The following ATP11B variants were observed in gnomAD, a reference collection of about 807,000 sequenced individuals.
The protein encoded by ATP11B is ATPase phospholipid transporting 11B (putative), also known as phospholipid-transporting ATPase IF.
Under a neutral mutation model 157.8 loss-of-function variants are expected in ATP11B, and 81 were observed. That is an observed-to-expected ratio of 0.51 (90% CI 0.43 to 0.62). The LOEUF (loss-of-function observed/expected upper bound fraction) is 0.62, where lower values mean the gene tolerates loss of function less well. ATP11B is among the 20% of genes least tolerant of loss of function. The pLI, the probability that ATP11B is intolerant of heterozygous loss-of-function variation, is 0.00. For synonymous variants in ATP11B, 451 were observed against 469.4 expected, an observed-to-expected ratio of 0.96 and a Z score of 0.51; for missense variants, 1,165 against 1,402.2, an observed-to-expected ratio of 0.83 and a Z score of 2.70.
chr3:182,845,090 C>T (rs561078520), intron 8 of ATP11B, among the ~76,000 whole-genome samples: 3 of 151,294 alleles, frequency 2.0e-5, no homozygotes, highest in East Asian at 3.9e-4. Flanking sequence ...CTGCAACCTC[C>T]GCCTCCACGG....
intron 7 of ATP11B, among the ~76,000 whole-genome samples, chr3:182,837,406 CCTT>C (rs1482860267): frequency 6.6e-6 from 1 of 151,958 alleles, no homozygotes; most frequent in Non-Finnish European, 1.5e-5. Context: ...CTTCACATTA[CCTT>C]CTATTTTGCT....
chr3:182,824,339 T>C (rs563708992), intron 2 of ATP11B, among the ~76,000 whole-genome samples: 1 of 152,346 alleles, frequency 6.6e-6, no homozygotes, highest in East Asian at 1.9e-4. Flanking sequence ...TTGATGAGGC[T>C]GTAGTTTTCC....
At chr3:182,860,255 A>G (rs186345987) in intron 12 of ATP11B, among the ~76,000 whole-genome samples, 12 of 152,268 alleles carry the variant, frequency 7.9e-5, no homozygotes, top group Non-Finnish European at 1.2e-4. Context: ...CTCTTTTCAC[A>G]CTTGATTAAT....
intron 19 of ATP11B, among the ~76,000 whole-genome samples, chr3:182,875,420 G>T (rs1264617073): frequency 2.1e-5 from 3 of 141,294 alleles, no homozygotes; most frequent in South Asian, 2.1e-4. Context: ...GGGATTTTTT[G>T]TTGTTGTTGT....
At chr3:182,824,324 T>A (rs1018895571) in intron 2 of ATP11B, among the ~76,000 whole-genome samples, 8 of 152,210 alleles carry the variant, frequency 5.3e-5, no homozygotes, top group African/African-American at 1.9e-4. Flanking sequence ...CTTGGTTACA[T>A]GTTGTTGATG....
chr3:182,863,082 A>T (rs1033001467), intron 12 of ATP11B, among the ~76,000 whole-genome samples: 5 of 151,630 alleles, frequency 3.3e-5, no homozygotes, highest in Non-Finnish European at 7.4e-5. Context: ...ACACCTGGCT[A>T]ATTTTTTGTA....
chr3:182,819,755 A>G (rs573372633), intron 1 of ATP11B, among the ~76,000 whole-genome samples: 27 of 152,216 alleles, frequency 1.8e-4, no homozygotes, highest in Non-Finnish European at 3.8e-4. Flanking sequence ...TGGAAAAAGT[A>G]AAATAAATAT....
intron 11 of ATP11B, 126 bp from the exon 12 acceptor site, chr3:182,859,036 C>A: frequency 1.8e-6 from 1 of 559,176 alleles, no homozygotes; most frequent in South Asian, 3.1e-5. Flanking sequence ...ATTCATGAGA[C>A]TATTCTACCT....
At chr3:182,845,195 C>T (rs1206616812) in intron 8 of ATP11B, among the ~76,000 whole-genome samples, 3 of 151,814 alleles carry the variant, frequency 2.0e-5, no homozygotes, top group Non-Finnish European at 4.4e-5. Context: ...TTAGCAGAGA[C>T]GGGGTTTCAC....
intron 4 of ATP11B, among the ~76,000 whole-genome samples, chr3:182,835,647 A>G (rs1429140801): frequency 6.6e-6 from 1 of 152,192 alleles, no homozygotes; most frequent in Non-Finnish European, 1.5e-5. Flanking sequence ...TTGGAGTTCA[A>G]AAGAGATATA....
At chr3:182,846,770 G>A (rs1487703680) in intron 9 of ATP11B, among the ~76,000 whole-genome samples, 1 of 152,150 alleles carries the variant, frequency 6.6e-6, no homozygotes, top group Non-Finnish European at 1.5e-5. Flanking sequence ...ACCCAGAATA[G>A]GCAAATTCAT....
intron 12 of ATP11B, among the ~76,000 whole-genome samples, chr3:182,861,885 A>G (rs565553775): frequency 6.6e-6 from 1 of 151,424 alleles, no homozygotes; most frequent in Admixed American, 6.6e-5. Flanking sequence ...TCGAGGCTGC[A>G]GTGAACCCTG....
In ATP11B at chr3:182,842,044, A is replaced by G. The variant is rs368854963; in HGVS notation, c.657-31A>G. ...AGCCATTGATGTCATAAGTGATATTATATGTTTTTGTAATGTGAATTTTTT... is the reference window on the plus strand; with the variant it reads ...AGCCATTGATGTCATAAGTGATATTGTATGTTTTTGTAATGTGAATTTTTT... On this transcript the variant is annotated intron_variant, in intron 7 of 29. Coordinates refer to ENST00000323116, the MANE Select transcript of ATP11B (RefSeq NM_014616.3). The G allele has an allele frequency of 1.3e-5, 18 of 1,421,552 alleles. No individual in the cohort carries two copies. The African/African-American group carries it at 2.1e-4, about 17-fold the overall frequency. 88.1% of individuals were successfully genotyped at this position (1,421,552 alleles called of 1,614,324 possible).
intron 7 of ATP11B, among the ~76,000 whole-genome samples, chr3:182,838,871 G>A (rs980975132): frequency 8.6e-5 from 13 of 151,822 alleles, no homozygotes; most frequent in Middle Eastern, 3.4e-3. Context: ...GCTTAGATAG[G>A]TATATATGTA....
chr3:182,794,633 C>A (rs767523467), intron 1 of ATP11B, among the ~76,000 whole-genome samples: 1 of 152,112 alleles, frequency 6.6e-6, no homozygotes, highest in Non-Finnish European at 1.5e-5. Context: ...TCATTTAAGG[C>A]CTATAAAAAG....
chr3:182,833,465 A>G (rs1021232024), intron 4 of ATP11B, among the ~76,000 whole-genome samples: 1 of 152,096 alleles, frequency 6.6e-6, no homozygotes, highest in African/African-American at 2.4e-5. Flanking sequence ...AGCTGGGACT[A>G]CAGTTGCGTG....
At position 182,848,523 on chromosome 3, in the gene ATP11B, A is replaced by G; in HGVS notation, c.817A>G (p.Lys273Glu). ...GGAAACTAAGATGGCATTAAATTAC[A>G]AGAGCAAATCACAGAAACGATCTGC... ...GMETKMALNY[K>E]SKSQKRSAVE... is the part of the protein sequence containing the mutation. Residue 273 changes from lysine to glutamate, a missense_variant, in exon 10 of 30, where the codon AAG becomes GAG. Lys to Glu is a moderately conservative substitution (Grantham distance 56). Coordinates refer to ENST00000323116, the MANE Select transcript of ATP11B (RefSeq NM_014616.3). The G allele has an allele frequency of 6.3e-7, 1 of 1,577,242 alleles. No individual in the cohort carries two copies. The highest frequency in any genetic ancestry group is 8.6e-7 in the Non-Finnish European group (1 of 1,161,062).
chr3:182,851,743 C>CA (rs1372806363), intron 10 of ATP11B, among the ~76,000 whole-genome samples: 1 of 152,014 alleles, frequency 6.6e-6, no homozygotes, highest in African/African-American at 2.4e-5. Flanking sequence ...AACAGCGAAA[C>CA]AAAAAACCAA....
chr3:182,893,947 AT>A (rs1198504387), intron 25 of ATP11B, among the ~76,000 whole-genome samples: 1 of 151,988 alleles, frequency 6.6e-6, no homozygotes, highest in African/African-American at 2.4e-5. Flanking sequence ...GATGTTGAGT[AT>A]TTTCTCATGT....
Sources: gnomAD v4.1 joint callset for allele counts (sites outside exome capture counted in the v4.1 genomes callset) on GRCh38, gnomAD v4.1.1 for gene constraint, MANE v1.5 for transcripts, NCBI Gene and HGNC (gene_info 2026-07-23, HGNC 2026-07-21) for gene names.